The following STK35 variants were observed in gnomAD, a reference collection of about 807,000 sequenced individuals.
STK35 encodes the protein serine/threonine-protein kinase 35.
A neutral mutation model predicts 37.3 loss-of-function variants in STK35; 17 were observed. The ratio of observed to expected loss-of-function variants is 0.46; its 90% CI spans 0.31 to 0.68. The LOEUF is 0.68. STK35 is among the 30% of genes least tolerant of loss of function. The probability of loss-of-function intolerance (pLI) is 0.05; values close to 1 mark genes in which losing one functional copy is unlikely to be tolerated. For synonymous variants in STK35, 385 were observed against 319.1 expected (o/e 1.21, Z -2.20); for missense variants, 595 against 746.7 (o/e 0.80, Z 2.37).
At chr20:2,127,123 G>C (rs996284859) in intron 3 of STK35, among the ~76,000 whole-genome samples, 1 of 152,200 alleles carries the variant, frequency 6.6e-6, no homozygotes, top group East Asian at 1.9e-4. Context: ...TTGTTATATC[G>C]TGTTGGGTTT....
chr20:2,105,301 A>G lies in STK35; in HGVS notation c.892+1936A>G, dbSNP rs574612752. Among the ~76,000 whole-genome samples the G allele has an allele frequency of 7.7e-4, 117 of 152,198 alleles. 1 individual carries two copies. The highest frequency in any genetic ancestry group is 2.8e-3 in the African/African-American group (115 of 41,528). On this transcript the variant is annotated intron_variant, in intron 2 of 3. Coordinates refer to ENST00000381482, the MANE Select transcript of STK35 (RefSeq NM_080836.4). ...CAATGAATGGTCTGGACTTCCTACT[A>G]CAGGATTGCCTTGGGATGTAGGAAT...
intron 2 of STK35, among the ~76,000 whole-genome samples, chr20:2,114,865 A>C (rs1319721830): frequency 4.6e-5 from 7 of 152,170 alleles, no homozygotes; most frequent in African/African-American, 1.7e-4. Context: ...TTGCAAAAGG[A>C]ATTGGATGGC....
chr20:2,142,892 T>C (rs774393732), intron 3 of STK35, among the ~76,000 whole-genome samples: 1 of 152,238 alleles, frequency 6.6e-6, no homozygotes, highest in Non-Finnish European at 1.5e-5. Context: ...GACTAATCTC[T>C]GTGGGCCCTT....
intron 3 of STK35, among the ~76,000 whole-genome samples, chr20:2,133,243 TC>T (rs1191105273): frequency 6.6e-6 from 1 of 152,166 alleles, no homozygotes; most frequent in Non-Finnish European, 1.5e-5. Context: ...GAGTGACCGT[TC>T]CCCTTTAGCT....
chr20:2,102,630 C>A, intron 1 of STK35, 138 bp from the exon 2 acceptor site: 1 of 753,714 alleles, frequency 1.3e-6, no homozygotes, highest in Non-Finnish European at 1.9e-6. Flanking sequence ...CCTCCCCTCC[C>A]CCGTTCAATC....
intron 3 of STK35, among the ~76,000 whole-genome samples, chr20:2,141,724 T>C (rs1568583397): frequency 6.6e-6 from 1 of 152,228 alleles, no homozygotes; most frequent in Non-Finnish European, 1.5e-5. Context: ...TGTTTTTACA[T>C]AGTTATGGTC....
chr20:2,126,721 G>A lies in STK35; in HGVS notation c.*37+9306G>A, dbSNP rs143288257. On this transcript the variant is annotated intron_variant, in intron 3 of 3. Transcript: ENST00000381482. ...CAGCGTTTCTAGGATTCAGAGGCATGGCAGGCCTTAAAACTGCCAACCAAG... is the reference window on the plus strand; with the variant it reads ...CAGCGTTTCTAGGATTCAGAGGCATAGCAGGCCTTAAAACTGCCAACCAAG... 8.5e-5 allele frequency among the ~76,000 whole-genome samples: 13 copies of A among 152,296 alleles called. No homozygotes were observed. In the East Asian group the frequency reaches 2.3e-3, roughly 27 times the overall value.
rs1213747309 is a variant in STK35, at chr20:2,102,034, A to G, written c.153A>G (p.Glu51=). 2.0e-5 allele frequency: 31 copies of G among 1,526,920 alleles called. No individual in the cohort carries two copies. The highest frequency in any genetic ancestry group is 2.7e-5 in the Non-Finnish European group (31 of 1,142,712). 94.6% of individuals were successfully genotyped at this position (1,526,920 alleles called of 1,614,324 possible). Residue 51 remains glutamate (E), a synonymous_variant, in exon 1 of 4, where the codon GAA becomes GAG. Coordinates refer to ENST00000381482, the MANE Select transcript of STK35 (RefSeq NM_080836.4). ...CCCCAGCGAGCGCCGCGGCAGCAGA[A>G]GGATCCGCTACACGCCGGGCTCGGG... ...QASPASAAAA[E]GSATRRARAA...
At chr20:2,102,394 C>T (rs1219701732) in intron 1 of STK35, among the ~76,000 whole-genome samples, 1 of 152,202 alleles carries the variant, frequency 6.6e-6, no homozygotes, top group African/African-American at 2.4e-5. Context: ...CGGGCGAACA[C>T]AAGGCGGGGC....
Position 2,117,719 on chromosome 20 carries a change from A to G in STK35, c.*37+304A>G, listed in dbSNP as rs1985742178. Among the ~76,000 whole-genome samples the G allele has an allele frequency of 6.6e-6, 1 of 152,340 alleles. No homozygotes were observed. The highest frequency in any genetic ancestry group is 3.4e-3 in the Middle Eastern group (1 of 294). On this transcript the variant is annotated intron_variant, in intron 3 of 3. Coordinates refer to ENST00000381482, the MANE Select transcript of STK35 (RefSeq NM_080836.4). This position sits in a 1 kb window ranked among gnomAD's most constrained non-coding sequence, Gnocchi z 4.4. ...CTCAGCCTCCCAAAGTGCTGGGATT[A>G]CAGTTGTGAGCCACCATGCCCAGCC...
intron 3 of STK35, among the ~76,000 whole-genome samples, chr20:2,137,664 C>A: frequency 6.6e-6 from 1 of 152,324 alleles, no homozygotes; most frequent in East Asian, 1.9e-4. Flanking sequence ...ACAGCACAGT[C>A]ATCCCTGTTT....
chr20:2,146,879 C>T lies in STK35; in HGVS notation c.*3133C>T, dbSNP rs550281161. 1.8e-4 allele frequency: 27 copies of T among 152,490 alleles called. No individual in the cohort carries two copies. The highest frequency in any genetic ancestry group is 6.5e-4 in the African/African-American group (27 of 41,558). The allele number at this position is 152,490 out of a possible 1,614,324, so 9.4% of individuals were successfully genotyped here. ...AGGAGGATGCCTCAGTCTGTTCATT[C>T]GAGACTGGCCCCGTCTGAACCTTCT... On this transcript the variant is annotated 3_prime_UTR_variant, in exon 4 of 4. Transcript: ENST00000381482.
At chr20:2,102,307 T>C (rs1261979319) in intron 1 of STK35, 132 bp downstream of exon 1, 2 of 1,229,070 alleles carry the variant, frequency 1.6e-6, no homozygotes, top group Non-Finnish European at 2.1e-6. Flanking sequence ...AGCCAATCCC[T>C]TCTACCCGTC....
intron 3 of STK35, among the ~76,000 whole-genome samples, chr20:2,118,276 T>G (rs1985754730): frequency 1.3e-5 from 2 of 152,214 alleles, no homozygotes; most frequent in Non-Finnish European, 2.9e-5. Context: ...TTTTTTCCAT[T>G]TTAGATACTA....
chr20:2,117,018 C>T lies in STK35; in HGVS notation c.1245C>T (p.Ala415=). The T allele has an allele frequency of 3.7e-6, 6 of 1,614,190 alleles. No individual in the cohort carries two copies. Among genetic ancestry groups the T allele is most frequent in the Non-Finnish European group, 4.2e-6 (5 of 1,180,042 alleles). The change falls in exon 3 of 4, where the codon GCC becomes GCT. Residue 415 remains alanine, a synonymous_variant. Coordinates refer to ENST00000381482, the MANE Select transcript of STK35 (RefSeq NM_080836.4). The surrounding 1 kb of genome is among the most constrained non-coding windows in gnomAD (Gnocchi z 4.4). Reference sequence around the variant, plus strand: ...TGAATAAGTACTGGCTGTCCTCAGCCTGCGGTTCGGACTTCTACATGGCTC... The same window carrying T: ...TGAATAAGTACTGGCTGTCCTCAGCTTGCGGTTCGGACTTCTACATGGCTC... ...VNVNKYWLSS[A]CGSDFYMAPE... is the part of the protein sequence containing the mutation.
At chr20:2,105,196 C>G (rs1459019083) in intron 2 of STK35, among the ~76,000 whole-genome samples, 1 of 150,850 alleles carries the variant, frequency 6.6e-6, no homozygotes, top group East Asian at 1.9e-4. Flanking sequence ...ATTCGTTTAT[C>G]TTACCTATAT....
chr20:2,125,296 T>A (rs556972658), intron 3 of STK35, among the ~76,000 whole-genome samples: 1 of 152,214 alleles, frequency 6.6e-6, no homozygotes, highest in Non-Finnish European at 1.5e-5. Context: ...ACCCCTTGAC[T>A]TGTGCAGGGC....
At chr20:2,108,988 T>C (rs995090137) in intron 2 of STK35, among the ~76,000 whole-genome samples, 2 of 152,222 alleles carry the variant, frequency 1.3e-5, no homozygotes, top group African/African-American at 4.8e-5. Context: ...TTCTGTGTTC[T>C]TTCTCTTTTT....
intron 3 of STK35, among the ~76,000 whole-genome samples, chr20:2,128,837 G>A (rs1985950392): frequency 6.6e-6 from 1 of 152,114 alleles, no homozygotes; most frequent in African/African-American, 2.4e-5. Flanking sequence ...TCTCTTAAGT[G>A]GAATCTGTGG....
Sources: gnomAD v4.1 joint callset for allele counts (sites outside exome capture counted in the v4.1 genomes callset) on GRCh38, gnomAD v4.1.1 for gene constraint, Gnocchi (gnomAD v3.1) non-coding constraint, MANE v1.5 for transcripts, NCBI Gene and HGNC (gene_info 2026-07-23, HGNC 2026-07-21) for gene names.